Variants in LMBR1 observed in about 807,000 individuals in gnomAD.
LMBR1 encodes limb development membrane protein 1, also known as limb region 1 protein homolog.
Under a neutral mutation model 73.9 loss-of-function variants are expected in LMBR1, and 52 were observed. That is an observed-to-expected ratio of 0.70 (90% CI 0.56 to 0.89). LMBR1 has a LOEUF of 0.89. Ranked by LOEUF, LMBR1 falls within the 40% of genes least tolerant of loss-of-function variation. LMBR1 has a pLI of 0.00. For missense variants in LMBR1, 539 were observed against 579.8 expected (o/e 0.93, Z 0.72); for synonymous variants, 215 against 209.4 (o/e 1.03, Z -0.23).
At chr7:156,723,153 C>T (rs1000458091) in intron 15 of LMBR1, among the ~76,000 whole-genome samples, 5 of 206 alleles carry the variant, frequency 0.024, no homozygotes, top group African/African-American at 0.083. Flanking sequence ...TACATTTATA[C>T]TTTTTGTTTT....
At chr7:156,788,394 A>G (rs1187633886) in intron 5 of LMBR1, among the ~76,000 whole-genome samples, 1 of 152,176 alleles carries the variant, frequency 6.6e-6, no homozygotes, top group Non-Finnish European at 1.5e-5. Flanking sequence ...TTTAAACATC[A>G]GTGTACCTTT....
At position 156,791,725 on chromosome 7, in the gene LMBR1, T is replaced by C. The variant is rs909258559; in HGVS notation, c.423+4664A>G. ...TGCTTTTATTATCAGGCACTTTGTT[T>C]GAAGTTATAGGAGTTAACCTCTTAA... On this transcript the variant is annotated intron_variant, in intron 5 of 16. Coordinates refer to ENST00000353442, the MANE Select transcript of LMBR1 (RefSeq NM_022458.4). Among the ~76,000 whole-genome samples, 6 of 152,228 alleles carry C rather than the reference T, an allele frequency of 3.9e-5. No homozygotes were observed. Among genetic ancestry groups the C allele is most frequent in the Non-Finnish European group, 8.8e-5 (6 of 68,034 alleles).
intron 2 of LMBR1, chr7:156,834,454 T>G (rs891144735): frequency 2.4e-5 from 5 of 210,494 alleles, no homozygotes; most frequent in African/African-American, 9.6e-5. Flanking sequence ...ATTTTAAAAA[T>G]TAACTAGGCA....
chr7:156,795,345 G>A (rs1242885341), intron 5 of LMBR1, among the ~76,000 whole-genome samples: 3 of 152,090 alleles, frequency 2.0e-5, no homozygotes, highest in Non-Finnish European at 2.9e-5. Context: ...CCCACTGTCC[G>A]ACCCTTGAAG....
chr7:156,725,774 T>C lies in LMBR1; in HGVS notation c.1057A>G (p.Ile353Val). Residue 353 changes from isoleucine (I) to valine (V), a missense_variant, in exon 13 of 17, where the codon ATT (isoleucine) becomes GTT (valine). Ile to Val is a conservative substitution (Grantham distance 29, BLOSUM62 3). Coordinates refer to ENST00000353442, the MANE Select transcript of LMBR1 (RefSeq NM_022458.4). ...TTAAAGAAAGGATACAAAATCAAAATGATTTCAAGCGCAGCTCCCACAAAA... is the reference window on the plus strand; with the variant it reads ...TTAAAGAAAGGATACAAAATCAAAACGATTTCAAGCGCAGCTCCCACAAAA... ...FGFVGAALEI[I>V]LIFYLMVSSV... The C allele has an allele frequency of 4.3e-6, 7 of 1,613,292 alleles. No individual in the cohort carries two copies. Among genetic ancestry groups the C allele is most frequent in the Non-Finnish European group, 5.9e-6 (7 of 1,179,628 alleles).
chr7:156,865,322 T>A (rs1201702331), intron 1 of LMBR1, among the ~76,000 whole-genome samples: 2 of 151,640 alleles, frequency 1.3e-5, no homozygotes, highest in East Asian at 1.9e-4. Context: ...GAAAAAAAAA[T>A]TCAATTTCAA....
At chr7:156,848,536 T>G (rs1586207755) in intron 1 of LMBR1, among the ~76,000 whole-genome samples, 1 of 152,112 alleles carries the variant, frequency 6.6e-6, no homozygotes. Context: ...CAGATGCTGG[T>G]GAGGTTGCAG....
At chr7:156,846,115 T>C (rs78506136) in intron 1 of LMBR1, among the ~76,000 whole-genome samples, 4,836 of 151,862 alleles carry the variant, frequency 0.032, 126 homozygotes, top group South Asian at 0.085. Context: ...CAAAAATAAT[T>C]TACAATTTTT....
At chr7:156,822,071 C>T (rs1228357104) in intron 4 of LMBR1, among the ~76,000 whole-genome samples, 1 of 152,188 alleles carries the variant, frequency 6.6e-6, no homozygotes, top group African/African-American at 2.4e-5. Flanking sequence ...GCACAAAATA[C>T]ATGCCTTTGC....
chr7:156,747,856 T>C (rs1482287393), intron 9 of LMBR1: 1 of 152,220 alleles, frequency 6.6e-6, no homozygotes, highest in Admixed American at 6.5e-5. Context: ...ACTTTGTTGT[T>C]AAAGCCCAAA....
chr7:156,766,886 C>T (rs1403688678), intron 5 of LMBR1, among the ~76,000 whole-genome samples: 3 of 152,126 alleles, frequency 2.0e-5, no homozygotes, highest in Non-Finnish European at 2.9e-5. Context: ...GGTAAAAGGT[C>T]CTGTGGGTAC....
rs143105969 is a variant in LMBR1, at chr7:156,821,262, C to A, written c.319+5343G>T. ...ATGCCGACGGTCCCCACTCCCGCTACGCTGCCTTCTCTCTCCCAGCCTGCA... is the reference window on the plus strand; with the variant it reads ...ATGCCGACGGTCCCCACTCCCGCTAAGCTGCCTTCTCTCTCCCAGCCTGCA... On this transcript the variant is annotated intron_variant, in intron 4 of 16. Coordinates refer to ENST00000353442, the MANE Select transcript of LMBR1 (RefSeq NM_022458.4). Among the ~76,000 whole-genome samples, 298 of 152,304 alleles carry A rather than the reference C, an allele frequency of 2.0e-3. 1 individual carries two copies. Among genetic ancestry groups the A allele is most frequent in the Middle Eastern group, 0.017 (5 of 294 alleles).
In LMBR1 at chr7:156,679,117, C is replaced by T. The variant is rs1804574201; in HGVS notation, c.*4961G>A. ...GTTCATCTGCCCACTGTAAGCGTGA[C>T]CCCAGGCAAATGTCTGCAGCTTTCT... On this transcript the variant is annotated 3_prime_UTR_variant, in exon 17 of 17. Coordinates refer to ENST00000353442, the MANE Select transcript of LMBR1 (RefSeq NM_022458.4). 1 of 152,142 alleles carries T rather than the reference C, an allele frequency of 6.6e-6. No individual in the cohort carries two copies. The highest frequency in any genetic ancestry group is 1.5e-5 in the Non-Finnish European group (1 of 68,046). The allele number at this position is 152,142 out of a possible 1,614,324, so 9.4% of individuals were successfully genotyped here.
chr7:156,834,826 G>C (rs2133901580), intron 2 of LMBR1, among the ~76,000 whole-genome samples: 1 of 151,428 alleles, frequency 6.6e-6, no homozygotes, highest in Non-Finnish European at 1.5e-5. Flanking sequence ...AAACTTACAA[G>C]CTAAAGAGAC....
intron 5 of LMBR1, chr7:156,779,612 C>A: frequency 9.5e-7 from 1 of 1,051,576 alleles, no homozygotes; most frequent in Non-Finnish European, 1.3e-6. Flanking sequence ...GTCAATTATA[C>A]ATTTAATTCA....
intron 1 of LMBR1, among the ~76,000 whole-genome samples, chr7:156,867,688 G>A (rs561447691): frequency 8.5e-5 from 13 of 152,266 alleles, no homozygotes; most frequent in South Asian, 2.1e-4. Flanking sequence ...ATCAATTTAC[G>A]TAAGAAATAT....
intron 1 of LMBR1, among the ~76,000 whole-genome samples, chr7:156,844,349 A>C (rs1405795311): frequency 1.3e-5 from 2 of 152,106 alleles, no homozygotes; most frequent in African/African-American, 4.8e-5. Context: ...ACACACTATG[A>C]AAATAAGAAT....
intron 1 of LMBR1, among the ~76,000 whole-genome samples, chr7:156,859,677 C>G (rs930757184): frequency 6.6e-6 from 1 of 152,120 alleles, no homozygotes; most frequent in Non-Finnish European, 1.5e-5. Context: ...GAGAGGTATT[C>G]CACATTCACA....
chr7:156,880,515 T>TA lies in LMBR1; in HGVS notation c.66+12412dup, dbSNP rs1204985438. Among the ~76,000 whole-genome samples the TA allele has an allele frequency of 2.6e-3, 369 of 144,016 alleles. 3 individuals carry two copies. Among genetic ancestry groups the TA allele is most frequent in the African/African-American group, 7.7e-3 (301 of 39,066 alleles). The allele number at this position is 144,016 out of a possible 152,430, so 94.5% of individuals were successfully genotyped here. A position where few individuals can be genotyped will look rare whatever the true frequency, so the allele number is the denominator to read the frequency against. On this transcript the variant is annotated intron_variant, in intron 1 of 16. Coordinates refer to ENST00000353442, the MANE Select transcript of LMBR1 (RefSeq NM_022458.4). Reference sequence around the variant, plus strand: ...CCTATGGAAACAAAAAATTTAAAAATAAAAAAAAAAGAAATTAAAGAAGGC... The same window carrying TA: ...CCTATGGAAACAAAAAATTTAAAAATAAAAAAAAAAAGAAATTAAAGAAGGC...
Sources: allele counts gnomAD v4.1 joint callset (sites outside exome capture counted in the v4.1 genomes callset), GRCh38; gene constraint gnomAD v4.1.1; transcripts MANE v1.5; gene names NCBI Gene and HGNC (gene_info 2026-07-23, HGNC 2026-07-21).